The following MDGA1 variants were observed in gnomAD, a reference collection of about 807,000 sequenced individuals.
MDGA1 encodes the protein MAM domain containing glycosylphosphatidylinositol anchor 1.
MDGA1 carries 54 observed loss-of-function variants against 101.5 expected under a neutral mutation model. The observed-to-expected ratio is 0.53, with a 90% CI of 0.43 to 0.67. MDGA1 has a LOEUF of 0.67. Ranked by LOEUF, MDGA1 falls within the 30% of genes least tolerant of loss-of-function variation. MDGA1 has a pLI of 0.00. For synonymous variants in MDGA1, 533 were observed against 558.3 expected, an observed-to-expected ratio of 0.95 and a Z score of 0.64; for missense variants, 1,083 against 1,323.8, an observed-to-expected ratio of 0.82 and a Z score of 2.82.
At chr6:37,656,144 C>T (rs1761482567) in intron 3 of MDGA1, among the ~76,000 whole-genome samples, 1 of 149,218 alleles carries the variant, frequency 6.7e-6, no homozygotes, top group South Asian at 2.1e-4. Context: ...GTGGCACAAT[C>T]TTGGCTCACT....
rs9380697 is a variant in MDGA1 at position 37,637,109 on chromosome 6, A to G, written c.*259T>C. 75,792 of 384,696 alleles carry G rather than the reference A, an allele frequency of 0.2. 8,366 individuals are homozygous for G. Among genetic ancestry groups the G allele is most frequent in the Middle Eastern group, 0.23 (338 of 1,472 alleles). 23.8% of individuals were successfully genotyped at this position (384,696 alleles called of 1,614,324 possible). The stretch of plus-strand genomic sequence containing the variant: ...TAAAGAAGGTGCTGGCAGGTCAGAT[A>G]GAAACTTGTGCTTTAATATATCTCT... On this transcript the variant is annotated 3_prime_UTR_variant, in exon 17 of 17. Transcript: ENST00000434837.
intron 3 of MDGA1, among the ~76,000 whole-genome samples, chr6:37,656,171 T>A (rs1561848172): frequency 6.6e-6 from 1 of 151,220 alleles, no homozygotes; most frequent in Non-Finnish European, 1.5e-5. Context: ...TCTGATTCCC[T>A]GGTTCAAGCA....
In MDGA1 at chr6:37,666,601, T is replaced by G. The variant is rs564934464; in HGVS notation, c.68-2495A>C. 9.2e-5 allele frequency among the ~76,000 whole-genome samples: 14 copies of G among 152,304 alleles called. No homozygotes were observed. The South Asian group carries it at 2.5e-3, about 27-fold the overall frequency. The stretch of plus-strand genomic sequence containing the variant: ...CAGCAGGCCTGTGTTTCTGTCAAAT[T>G]CAGGATTCTTGTCTTTCTGCCTACC... On this transcript the variant is annotated intron_variant, in intron 1 of 16. Transcript: ENST00000434837.
chr6:37,644,491 C>T lies in MDGA1; in HGVS notation c.2401+6G>A, dbSNP rs1296927735. On this transcript the variant is annotated splice_donor_region_variant and intron_variant, in intron 13 of 16. Coordinates refer to ENST00000434837, the MANE Select transcript of MDGA1 (RefSeq NM_153487.4). The stretch of plus-strand genomic sequence containing the variant: ...CTCCATTTCTGGCAGCAGGCCAGGT[C>T]CTCACCCTCAGGGGTGCCACTTATG... 6.4e-7 allele frequency: 1 copy of T among 1,557,928 alleles called. No homozygotes were observed. The highest frequency in any genetic ancestry group is 1.4e-5 in the African/African-American group (1 of 72,874).
intron 1 of MDGA1, among the ~76,000 whole-genome samples, chr6:37,683,245 G>A (rs1283810542): frequency 6.6e-6 from 1 of 152,166 alleles, no homozygotes; most frequent in Non-Finnish European, 1.5e-5. Context: ...CGACACACTT[G>A]GATTCTGGCC....
At chr6:37,691,370 G>A (rs530155490) in intron 1 of MDGA1, among the ~76,000 whole-genome samples, 35 of 152,256 alleles carry the variant, frequency 2.3e-4, no homozygotes, top group Non-Finnish European at 4.3e-4. Context: ...CTCTCAGAAC[G>A]TCATGGAAGC....
chr6:37,653,512 T>C (rs1224182707), intron 6 of MDGA1, among the ~76,000 whole-genome samples: 1 of 152,156 alleles, frequency 6.6e-6, no homozygotes, highest in Non-Finnish European at 1.5e-5. Flanking sequence ...AGCCTGGATC[T>C]TTAAAAAGAA....
At chr6:37,687,648 T>C (rs1762224599) in intron 1 of MDGA1, among the ~76,000 whole-genome samples, 1 of 152,130 alleles carries the variant, frequency 6.6e-6, no homozygotes, top group Non-Finnish European at 1.5e-5. Flanking sequence ...TTTGGTTTTT[T>C]TGTAATAGAG....
At chr6:37,669,177 C>T (rs1761819550) in intron 1 of MDGA1, among the ~76,000 whole-genome samples, 1 of 152,078 alleles carries the variant, frequency 6.6e-6, no homozygotes, top group African/African-American at 2.4e-5. Context: ...AGAAGAGATC[C>T]CATCTGGTGA....
chr6:37,655,825 T>C lies in MDGA1; in HGVS notation c.454A>G (p.Thr152Ala), dbSNP rs1351166969. Residue 152 changes from threonine (T) to alanine (A), a missense_variant, in exon 4 of 17, where the codon ACG (threonine) becomes GCG (alanine). By Grantham distance (58) the Thr-to-Ala change is moderately conservative. Around this residue, in one of 3 missense-constraint regions of MDGA1, gnomAD observed 310 missense variants for 355.9 expected, o/e 0.87. Transcript: ENST00000434837. This position sits in a 1 kb window ranked among gnomAD's most constrained non-coding sequence, Gnocchi z 5.1. ...TTGACAGTACAGCGCAGGAACACCG[T>C]CTTCTCCTGGTAGAAGTTGCCTCGC... ...DVRGNFYQEKTVFLRCTVNSN... is the reference protein window; with the variant it reads ...DVRGNFYQEKAVFLRCTVNSN... 6.2e-7 allele frequency: 1 copy of C among 1,613,742 alleles called. No homozygotes were observed. The highest frequency in any genetic ancestry group is 8.5e-7 in the Non-Finnish European group (1 of 1,179,796).
intron 10 of MDGA1, 124 bp downstream of exon 10, chr6:37,647,049 C>T: frequency 1.2e-6 from 1 of 845,470 alleles, no homozygotes; most frequent in Middle Eastern, 3.5e-4. Context: ...TGAAGAATTG[C>T]CTCTAAAAGG....
At position 37,638,354 on chromosome 6, in the gene MDGA1, G is replaced by A. The variant is rs1433161025; in HGVS notation, c.2668-41C>T. 6.4e-7 allele frequency: 1 copy of A among 1,551,096 alleles called. No homozygotes were observed. On this transcript the variant is annotated intron_variant, in intron 15 of 16. Coordinates refer to ENST00000434837, the MANE Select transcript of MDGA1 (RefSeq NM_153487.4). This position sits in a 1 kb window ranked among gnomAD's most constrained non-coding sequence, Gnocchi z 4.8. ...AAAGCAAGGAGCAAGGGTTGAGGAG[G>A]TTCTGCTGGGTACCAGAGTGCTCCC...
chr6:37,660,689 G>C (rs956999662), intron 2 of MDGA1, among the ~76,000 whole-genome samples: 3 of 151,648 alleles, frequency 2.0e-5, no homozygotes, highest in Non-Finnish European at 1.5e-5. Flanking sequence ...TTTAAATTTT[G>C]AAGATCCTTT....
In MDGA1 at chr6:37,633,621, C is replaced by G. The variant is rs565493975; in HGVS notation, c.*3747G>C. 3.9e-5 allele frequency: 6 copies of G among 152,418 alleles called. No homozygotes were observed. Among genetic ancestry groups the G allele is most frequent in the East Asian group, 1.9e-4 (1 of 5,186 alleles). The allele number at this position is 152,418 out of a possible 1,614,324, so 9.4% of individuals were successfully genotyped here. ...CACTGTGGTGGGAGGGTGGCCACCT[C>G]TGTGTGGCACCCAGGCCTGTCATGG... On this transcript the variant is annotated 3_prime_UTR_variant, in exon 17 of 17. Coordinates refer to ENST00000434837, the MANE Select transcript of MDGA1 (RefSeq NM_153487.4).
At chr6:37,662,677 T>G (rs1761653855) in intron 2 of MDGA1, among the ~76,000 whole-genome samples, 1 of 143,186 alleles carries the variant, frequency 7.0e-6, no homozygotes, top group Non-Finnish European at 1.5e-5. Flanking sequence ...TGGCTAGATG[T>G]GAGGAATGAG....
chr6:37,663,015 C>T (rs1486897102), intron 2 of MDGA1, among the ~76,000 whole-genome samples: 3 of 152,222 alleles, frequency 2.0e-5, no homozygotes, highest in African/African-American at 4.8e-5. Flanking sequence ...TGTCCATCTG[C>T]CTGTCTCAAG....
intron 1 of MDGA1, among the ~76,000 whole-genome samples, chr6:37,673,437 T>A (rs144558607): frequency 2.3e-4 from 35 of 152,368 alleles, no homozygotes; most frequent in African/African-American, 8.2e-4. Flanking sequence ...TCTCTTTTAA[T>A]TAGCTGCTCA....
At chr6:37,679,511 G>A (rs1762049045) in intron 1 of MDGA1, among the ~76,000 whole-genome samples, 1 of 152,158 alleles carries the variant, frequency 6.6e-6, no homozygotes, top group Non-Finnish European at 1.5e-5. Context: ...AGGAGGACTG[G>A]AATTCTTCTA....
At chr6:37,656,473 AT>A (rs1418796551) in intron 3 of MDGA1, among the ~76,000 whole-genome samples, 1 of 151,950 alleles carries the variant, frequency 6.6e-6, no homozygotes, top group Non-Finnish European at 1.5e-5. Flanking sequence ...CCTGGGCTCA[AT>A]TGATCCTCCC....
Sources: gnomAD v4.1 joint callset for allele counts (sites outside exome capture counted in the v4.1 genomes callset) on GRCh38, gnomAD v4.1.1 for gene constraint, gnomAD v4.1.1 regional missense constraint, Gnocchi (gnomAD v3.1) non-coding constraint, MANE v1.5 for transcripts, NCBI Gene and HGNC (gene_info 2026-07-23, HGNC 2026-07-21) for gene names.